Variants in SPOCK3 observed in about 807,000 individuals in gnomAD.
SPOCK3 encodes the protein SPARC (osteonectin), cwcv and kazal like domains proteoglycan 3.
SPOCK3 carries 30 observed loss-of-function variants against 56.6 expected under a neutral mutation model. That is an observed-to-expected ratio of 0.53 (90% confidence interval 0.40 to 0.72). SPOCK3 has a LOEUF of 0.72. Ranked by LOEUF, SPOCK3 falls within the 30% of genes least tolerant of loss-of-function variation. The probability of loss-of-function intolerance (pLI) is 0.00; values close to 1 mark genes in which losing one functional copy is unlikely to be tolerated. For synonymous variants in SPOCK3, 196 were observed against 183.3 expected, an observed-to-expected ratio of 1.07 and a Z score of -0.56; for missense variants, 527 against 530.0, an observed-to-expected ratio of 0.99 and a Z score of 0.06.
intron 3 of SPOCK3, among the ~76,000 whole-genome samples, chr4:167,039,583 T>C (rs1753070919): frequency 6.6e-6 from 1 of 151,864 alleles, no homozygotes; most frequent in Non-Finnish European, 1.5e-5. Flanking sequence ...AGAAATAAAA[T>C]GAGTCAAGGA....
At chr4:166,856,085 C>G (rs751603428) in intron 6 of SPOCK3, among the ~76,000 whole-genome samples, 108 of 151,972 alleles carry the variant, frequency 7.1e-4, no homozygotes, top group Admixed American at 2.8e-3. Context: ...ATGGCATGAT[C>G]TCATTTATAT....
chr4:166,827,773 C>T (rs1745632389), intron 6 of SPOCK3, among the ~76,000 whole-genome samples: 1 of 151,710 alleles, frequency 6.6e-6, no homozygotes, highest in Non-Finnish European at 1.5e-5. Flanking sequence ...GCATTTTGCA[C>T]CTGACACCCA....
intron 6 of SPOCK3, among the ~76,000 whole-genome samples, chr4:166,849,748 A>G (rs970112383): frequency 1.3e-5 from 2 of 151,958 alleles, no homozygotes; most frequent in African/African-American, 2.4e-5. Context: ...GCAACTCTCC[A>G]TTCACCCTTA....
At chr4:167,123,262 TTAA>T (rs1222685325) in intron 2 of SPOCK3, among the ~76,000 whole-genome samples, 1 of 152,032 alleles carries the variant, frequency 6.6e-6, no homozygotes, top group Non-Finnish European at 1.5e-5. Flanking sequence ...GATATATAAG[TTAA>T]TAATAAAAAA....
intron 4 of SPOCK3, among the ~76,000 whole-genome samples, chr4:166,955,578 T>C (rs6823358): frequency 0.016 from 2,028 of 128,690 alleles, 57 homozygotes; most frequent in African/African-American, 0.061. Context: ...TTAATATAAT[T>C]AAATTATATT....
At chr4:166,858,483 A>AT (rs1730914195) in intron 6 of SPOCK3, among the ~76,000 whole-genome samples, 1 of 152,172 alleles carries the variant, frequency 6.6e-6, no homozygotes, top group Admixed American at 6.6e-5. Context: ...ATGTAAGTAC[A>AT]GAGTAAATAG....
At position 166,848,468 on chromosome 4, in the gene SPOCK3, A is replaced by G. The variant is rs540929515; in HGVS notation, c.589+40662T>C. On this transcript the variant is annotated intron_variant, in intron 6 of 10. Coordinates refer to ENST00000357545, the MANE Select transcript of SPOCK3 (RefSeq NM_001040159.2). ...CTGAGATATAAAACACAATGTAGAG[A>G]AATGGTCAATAAGTGTCTTTTGCTG... Among the ~76,000 whole-genome samples the G allele has an allele frequency of 2.6e-5, 4 of 152,266 alleles. No homozygotes were observed. The East Asian group carries it at 7.7e-4, about 29-fold the overall frequency.
intron 2 of SPOCK3, among the ~76,000 whole-genome samples, chr4:167,113,547 A>C (rs1470494372): frequency 6.6e-6 from 1 of 152,114 alleles, no homozygotes; most frequent in Non-Finnish European, 1.5e-5. Flanking sequence ...GTGTCTGAGC[A>C]GATAGATGGC....
At chr4:166,920,778 A>T (rs1738392904) in intron 4 of SPOCK3, among the ~76,000 whole-genome samples, 1 of 152,142 alleles carries the variant, frequency 6.6e-6, no homozygotes, top group Non-Finnish European at 1.5e-5. Context: ...ACACATTTTT[A>T]TATATATATA....
chr4:167,222,564 CAT>C (rs1469788715), intron 2 of SPOCK3, among the ~76,000 whole-genome samples: 5 of 132,918 alleles, frequency 3.8e-5, no homozygotes, highest in South Asian at 2.2e-4. Context: ...AATATATATA[CAT>C]GTTATAGATT....
chr4:167,111,286 G>A (rs114596493), intron 2 of SPOCK3, among the ~76,000 whole-genome samples: 3,806 of 152,028 alleles, frequency 0.025, 80 homozygotes, highest in South Asian at 0.047. Context: ...AACAAAGCCC[G>A]CGGACTCAAG....
chr4:167,156,925 G>A (rs1276519320), intron 2 of SPOCK3, among the ~76,000 whole-genome samples: 1 of 152,104 alleles, frequency 6.6e-6, no homozygotes, highest in African/African-American at 2.4e-5. Flanking sequence ...AGGGCTCATT[G>A]AAAATATTCT....
intron 2 of SPOCK3, among the ~76,000 whole-genome samples, chr4:167,117,670 C>A (rs1050711765): frequency 6.6e-6 from 1 of 152,142 alleles, no homozygotes; most frequent in African/African-American, 2.4e-5. Context: ...GTGGGAAGGG[C>A]TCTCCCAGAA....
intron 6 of SPOCK3, among the ~76,000 whole-genome samples, chr4:166,874,410 TCA>T (rs1732866481): frequency 6.6e-6 from 1 of 152,212 alleles, no homozygotes; most frequent in African/African-American, 2.4e-5. Flanking sequence ...GGAAAAAGCA[TCA>T]GACCCTTGAA....
chr4:167,208,001 C>A (rs1427455717), intron 2 of SPOCK3, among the ~76,000 whole-genome samples: 1 of 152,092 alleles, frequency 6.6e-6, no homozygotes, highest in Non-Finnish European at 1.5e-5. Context: ...GCCTTCTGAG[C>A]TTCTCAGGTA....
chr4:166,882,107 T>C (rs560685257), intron 6 of SPOCK3, among the ~76,000 whole-genome samples: 21 of 152,310 alleles, frequency 1.4e-4, no homozygotes, highest in Non-Finnish European at 8.8e-5. Context: ...TCCTTCCTTG[T>C]AATAAGCTTG....
intron 5 of SPOCK3, among the ~76,000 whole-genome samples, chr4:166,905,058 C>A (rs1736467805): frequency 6.6e-6 from 1 of 151,712 alleles, no homozygotes; most frequent in Non-Finnish European, 1.5e-5. Context: ...TTTCTTTATC[C>A]CTAGTTTGTA....
At chr4:167,024,918 A>G (rs1751563067) in intron 3 of SPOCK3, among the ~76,000 whole-genome samples, 1 of 151,994 alleles carries the variant, frequency 6.6e-6, no homozygotes, top group African/African-American at 2.4e-5. Flanking sequence ...ATATTTTATT[A>G]TTTGTGCCTC....
intron 4 of SPOCK3, among the ~76,000 whole-genome samples, chr4:166,934,638 ATGTT>A (rs1292488829): frequency 1.3e-5 from 2 of 152,144 alleles, no homozygotes; most frequent in African/African-American, 2.4e-5. Context: ...ATCTCTATAT[ATGTT>A]TATTTATAAT....
Sources: allele counts gnomAD v4.1 joint callset (sites outside exome capture counted in the v4.1 genomes callset), GRCh38; gene constraint gnomAD v4.1.1; transcripts MANE v1.5; gene names NCBI Gene and HGNC (gene_info 2026-07-23, HGNC 2026-07-21).